PEAK1: variants seen among roughly 807,000 people sequenced by gnomAD.
PEAK1 encodes inactive tyrosine-protein kinase PEAK1.
In PEAK1, 54 loss-of-function variants were observed where a neutral mutation model predicts 124.7. The ratio of observed to expected loss-of-function variants is 0.43; its 90% CI spans 0.35 to 0.54. The LOEUF is 0.54. Among genes scored for constraint, PEAK1 ranks in the 20% least tolerant of loss-of-function variants. The probability of loss-of-function intolerance (pLI) is 0.01; values close to 1 mark genes in which losing one functional copy is unlikely to be tolerated. For synonymous variants in PEAK1, 719 were observed against 760.0 expected (o/e 0.95, Z 0.89); for missense variants, 2,046 against 2,134.5 (o/e 0.96, Z 0.82).
intron 5 of PEAK1, among the ~76,000 whole-genome samples, chr15:77,257,080 T>C (rs2152931994): frequency 6.6e-6 from 1 of 152,322 alleles, no homozygotes; most frequent in East Asian, 1.9e-4. Context: ...GGCTGCATAG[T>C]ATTCCATGGT....
chr15:77,357,505 A>G (rs1049174639), intron 2 of PEAK1, among the ~76,000 whole-genome samples: 2 of 152,100 alleles, frequency 1.3e-5, no homozygotes, highest in Admixed American at 1.3e-4. Flanking sequence ...AAAGCCTGAC[A>G]TCAAGTGATC....
intron 8 of PEAK1, among the ~76,000 whole-genome samples, chr15:77,135,344 G>C (rs1048096389): frequency 1.3e-5 from 2 of 152,164 alleles, no homozygotes; most frequent in Admixed American, 1.3e-4. Context: ...TATAATCTGG[G>C]ATTGTAATAG....
intron 5 of PEAK1, among the ~76,000 whole-genome samples, chr15:77,264,661 T>C (rs2061620865): frequency 1.3e-5 from 2 of 152,086 alleles, no homozygotes; most frequent in South Asian, 2.1e-4. Context: ...ATCAATATCG[T>C]GAAAATGGCC....
intron 5 of PEAK1, among the ~76,000 whole-genome samples, chr15:77,274,350 G>A (rs534189371): frequency 1.3e-5 from 2 of 152,058 alleles, no homozygotes; most frequent in Non-Finnish European, 2.9e-5. Context: ...CCCACAGAGT[G>A]GGAGAAAATC....
intron 6 of PEAK1, among the ~76,000 whole-genome samples, chr15:77,238,754 T>G (rs1567152704): frequency 6.6e-6 from 1 of 152,228 alleles, no homozygotes; most frequent in Non-Finnish European, 1.5e-5. Context: ...TTGACAGCAT[T>G]GGGAGTACTC....
At chr15:77,269,278 C>T (rs1166376609) in intron 5 of PEAK1, among the ~76,000 whole-genome samples, 1 of 152,092 alleles carries the variant, frequency 6.6e-6, no homozygotes, top group Non-Finnish European at 1.5e-5. Flanking sequence ...AGAGACTCAC[C>T]TGACACATAG....
chr15:77,176,070 G>C (rs958926351), intron 7 of PEAK1, among the ~76,000 whole-genome samples: 1 of 151,908 alleles, frequency 6.6e-6, no homozygotes, highest in African/African-American at 2.4e-5. Context: ...CATGGACACA[G>C]GAAGGGGAAC....
intron 1 of PEAK1, among the ~76,000 whole-genome samples, chr15:77,411,894 G>A (rs1235567152): frequency 6.6e-6 from 1 of 152,164 alleles, no homozygotes; most frequent in Non-Finnish European, 1.5e-5. Context: ...TTACAGGCAT[G>A]AGCCACCACA....
chr15:77,354,152 C>T (rs886359821), intron 2 of PEAK1, among the ~76,000 whole-genome samples: 1 of 152,208 alleles, frequency 6.6e-6, no homozygotes, highest in Non-Finnish European at 1.5e-5. Context: ...ACTCAACTAT[C>T]TCAGAGAAAC....
chr15:77,408,072 T>TACATATATAC (rs1195713339), intron 1 of PEAK1, among the ~76,000 whole-genome samples: 42 of 127,118 alleles, frequency 3.3e-4, no homozygotes, highest in Middle Eastern at 3.6e-3. Context: ...TACACATATA[T>TACATATATAC]ACATATATAC....
chr15:77,167,735 A>G (rs953096321), intron 7 of PEAK1, among the ~76,000 whole-genome samples: 1 of 151,972 alleles, frequency 6.6e-6, no homozygotes, highest in Non-Finnish European at 1.5e-5. Flanking sequence ...GGTAATGCAA[A>G]TTTTTTTTCT....
intron 1 of PEAK1, among the ~76,000 whole-genome samples, chr15:77,396,488 TAAAAAAA>T (rs36009153): frequency 6.6e-6 from 1 of 151,500 alleles, no homozygotes; most frequent in Non-Finnish European, 1.5e-5. Flanking sequence ...AGAAAGGATT[TAAAAAAA>T]ACCAACAAAA....
At chr15:77,335,674 CTTGCCCAGGCTGACCCATG>C (rs1231275395) in intron 2 of PEAK1, 1 of 739,816 alleles carries the variant, frequency 1.4e-6, no homozygotes, top group African/African-American at 1.9e-5. Flanking sequence ...AAGACAGGGT[CTTGCCCAGGCTGACCCATG>C]TTGCCCAGGC....
intron 8 of PEAK1, among the ~76,000 whole-genome samples, chr15:77,145,688 A>G (rs547454025): frequency 4.3e-4 from 66 of 152,080 alleles, no homozygotes; most frequent in Non-Finnish European, 5.9e-4. Context: ...CCTCTACTCA[A>G]AATTCTTCAG....
intron 6 of PEAK1, chr15:77,204,934 TCA>T (rs1423566894): frequency 1.1e-5 from 2 of 181,984 alleles, no homozygotes; most frequent in Non-Finnish European, 2.3e-5. Flanking sequence ...GGACAAATCT[TCA>T]GACAAAAAAG....
At chr15:77,313,648 ATGTATG>A (rs1251822630) in intron 2 of PEAK1, among the ~76,000 whole-genome samples, 1,113 of 87,602 alleles carry the variant, frequency 0.013, 39 homozygotes, top group African/African-American at 0.042. Context: ...GTATGTATGT[ATGTATG>A]TGTGTGTGTG....
intron 2 of PEAK1, among the ~76,000 whole-genome samples, chr15:77,294,925 G>A (rs1365146634): frequency 6.6e-6 from 1 of 152,052 alleles, no homozygotes; most frequent in African/African-American, 2.4e-5. Flanking sequence ...ATTTAAAAAG[G>A]AGAATATGAA....
chr15:77,392,518 C>T (rs2070555140), intron 1 of PEAK1, among the ~76,000 whole-genome samples: 1 of 152,082 alleles, frequency 6.6e-6, no homozygotes, highest in South Asian at 2.1e-4. Flanking sequence ...CAACTCATGG[C>T]CCAAAGATTA....
At chr15:77,124,221 T>C (rs1052346418) in intron 9 of PEAK1, among the ~76,000 whole-genome samples, 3 of 152,254 alleles carry the variant, frequency 2.0e-5, no homozygotes, top group Non-Finnish European at 4.4e-5. Flanking sequence ...TTCCAATTGC[T>C]CCTGCTTTGG....
Sources: allele counts gnomAD v4.1 joint callset (sites outside exome capture counted in the v4.1 genomes callset), GRCh38; gene constraint gnomAD v4.1.1; transcripts MANE v1.5; gene names NCBI Gene and HGNC (gene_info 2026-07-23, HGNC 2026-07-21).